Variants in VPS13B observed in about 807,000 individuals in gnomAD.
VPS13B encodes vacuolar protein sorting 13 homolog B.
VPS13B carries 285 observed loss-of-function variants against 426.4 expected under a neutral mutation model. That is an observed-to-expected ratio of 0.67 (90% CI 0.61 to 0.74). VPS13B has a LOEUF of 0.74. VPS13B is among the 30% of genes least tolerant of loss of function. VPS13B has a pLI of 0.00. For missense variants in VPS13B, 4,537 were observed against 4,782.6 expected (o/e 0.95, Z 1.51); for synonymous variants, 1,676 against 1,676.4 (o/e 1.00, Z 0.01).
intron 23 of VPS13B, among the ~76,000 whole-genome samples, chr8:99,444,053 A>G (rs534073954): frequency 1.3e-5 from 2 of 149,932 alleles, no homozygotes; most frequent in Admixed American, 6.7e-5. Context: ...ATAACCTCTT[A>G]AACTGGAGAG....
chr8:99,461,855 C>CAACATTGACA (rs1818849450), intron 23 of VPS13B, among the ~76,000 whole-genome samples: 1 of 152,132 alleles, frequency 6.6e-6, no homozygotes. Context: ...TTGACATAAA[C>CAACATTGACA]TAAATATCAG....
intron 25 of VPS13B, among the ~76,000 whole-genome samples, chr8:99,491,576 CTCTTA>C (rs1251644344): frequency 1.3e-5 from 2 of 152,002 alleles, no homozygotes; most frequent in African/African-American, 2.4e-5. Flanking sequence ...ACTCTTTTTT[CTCTTA>C]TCTTGTCTTC....
chr8:99,795,305 C>A (rs1447214758), intron 43 of VPS13B, among the ~76,000 whole-genome samples: 1 of 152,142 alleles, frequency 6.6e-6, no homozygotes, highest in Non-Finnish European at 1.5e-5. Flanking sequence ...CCCTTTCCAC[C>A]CATGTCCAAT....
intron 39 of VPS13B, among the ~76,000 whole-genome samples, chr8:99,722,794 A>G (rs2130354717): frequency 6.6e-6 from 1 of 152,324 alleles, no homozygotes; most frequent in South Asian, 2.1e-4. Flanking sequence ...GGCGTGAGCC[A>G]CCGTGCCCGG....
intron 2 of VPS13B, among the ~76,000 whole-genome samples, chr8:99,022,161 A>C (rs1481701415): frequency 6.9e-6 from 1 of 144,962 alleles, no homozygotes; most frequent in Non-Finnish European, 1.5e-5. Context: ...CTTTTTTTGG[A>C]TTTGGTTTAC....
intron 17 of VPS13B, among the ~76,000 whole-genome samples, chr8:99,201,188 T>C (rs1814300312): frequency 6.6e-6 from 1 of 152,138 alleles, no homozygotes; most frequent in Non-Finnish European, 1.5e-5. Context: ...GTTTCACTTT[T>C]ACTACCACCA....
chr8:99,836,369 T>G (rs1447644591), intron 54 of VPS13B, among the ~76,000 whole-genome samples: 1 of 152,178 alleles, frequency 6.6e-6, no homozygotes, highest in African/African-American at 2.4e-5. Flanking sequence ...TTTCTGAAAC[T>G]TCTTTATCAT....
chr8:99,556,415 T>C, intron 30 of VPS13B, 35 bp from the exon 31 acceptor site: 2 of 1,598,794 alleles, frequency 1.3e-6, no homozygotes, highest in Non-Finnish European at 1.7e-6. Context: ...TCTGTTTTCT[T>C]GTTTTTATTT....
chr8:99,828,895 C>G (rs911170565), intron 51 of VPS13B, among the ~76,000 whole-genome samples: 2 of 152,058 alleles, frequency 1.3e-5, no homozygotes, highest in African/African-American at 4.8e-5. Flanking sequence ...TGGATTGAAA[C>G]ATTTTCTTTG....
chr8:99,033,862 C>T (rs570027417), intron 2 of VPS13B, among the ~76,000 whole-genome samples: 1 of 152,142 alleles, frequency 6.6e-6, no homozygotes, highest in South Asian at 2.1e-4. Flanking sequence ...TGCCATTGCA[C>T]TCCAGCCTGG....
chr8:99,240,340 C>A (rs972147012), intron 17 of VPS13B, among the ~76,000 whole-genome samples: 1 of 152,096 alleles, frequency 6.6e-6, no homozygotes, highest in Non-Finnish European at 1.5e-5. Context: ...TATATATTCC[C>A]TAGCCATTTA....
intron 31 of VPS13B, among the ~76,000 whole-genome samples, chr8:99,567,338 TAA>T (rs1825236503): frequency 6.6e-6 from 1 of 152,184 alleles, no homozygotes; most frequent in South Asian, 2.1e-4. Flanking sequence ...AAAATTGAAT[TAA>T]GTTAATATTT....
chr8:99,561,934 T>C (rs1160119122), intron 31 of VPS13B, among the ~76,000 whole-genome samples: 5 of 152,298 alleles, frequency 3.3e-5, no homozygotes, highest in African/African-American at 9.6e-5. Flanking sequence ...CACCTAGAAG[T>C]AGAATTACAG....
intron 25 of VPS13B, among the ~76,000 whole-genome samples, chr8:99,488,281 A>G (rs1170199772): frequency 6.6e-6 from 1 of 152,134 alleles, no homozygotes; most frequent in African/African-American, 2.4e-5. Flanking sequence ...TTGGCAGAAA[A>G]TATGGGTCCC....
chr8:99,741,547 A>G (rs1373723191), intron 39 of VPS13B, among the ~76,000 whole-genome samples: 1 of 152,204 alleles, frequency 6.6e-6, no homozygotes, highest in Non-Finnish European at 1.5e-5. Flanking sequence ...CACCACACCT[A>G]TTCCAAAATT....
intron 24 of VPS13B, among the ~76,000 whole-genome samples, chr8:99,473,158 AGCTAGCATAACTCT>A (rs1819501178): frequency 6.6e-6 from 1 of 152,072 alleles, no homozygotes; most frequent in South Asian, 2.1e-4. Flanking sequence ...GGTTTTATGA[AGCTAGCATAACTCT>A]AATAACAAAA....
In VPS13B at chr8:99,809,491, C is replaced by T. The variant is rs1813589023; in HGVS notation, c.8058C>T (p.Leu2686=). Residue 2686 remains leucine (L), a synonymous_variant, in exon 44 of 62, where the codon CTC becomes CTT. Coordinates refer to ENST00000357162, the MANE Select transcript of VPS13B (RefSeq NM_152564.5). The part of the protein sequence containing the change: ...TIQYRGRTAS[L]IIKVQQLNGV... ...AGTACAGGGGTCGAACTGCTTCTCTCATCATCAAGGTTCAGCAACTCAATG... is the reference window on the plus strand; with the variant it reads ...AGTACAGGGGTCGAACTGCTTCTCTTATCATCAAGGTTCAGCAACTCAATG... 3.1e-6 allele frequency: 5 copies of T among 1,614,038 alleles called. No individual in the cohort carries two copies. Among genetic ancestry groups the T allele is most frequent in the Non-Finnish European group, 4.2e-6 (5 of 1,179,966 alleles).
intron 33 of VPS13B, among the ~76,000 whole-genome samples, chr8:99,618,906 G>A (rs558659152): frequency 6.6e-6 from 1 of 152,234 alleles, no homozygotes; most frequent in Non-Finnish European, 1.5e-5. Context: ...AAACCCAGAG[G>A]TGACTCCAGA....
chr8:99,694,850 A>G (rs888327253), intron 35 of VPS13B, among the ~76,000 whole-genome samples: 3 of 152,168 alleles, frequency 2.0e-5, no homozygotes, highest in African/African-American at 7.2e-5. Flanking sequence ...CAAATTTACA[A>G]GAAAAAAACA....
Sources: gnomAD v4.1 joint callset for allele counts (sites outside exome capture counted in the v4.1 genomes callset) on GRCh38, gnomAD v4.1.1 for gene constraint, MANE v1.5 for transcripts, NCBI Gene and HGNC (gene_info 2026-07-23, HGNC 2026-07-21) for gene names.